LRRC53: variants seen among roughly 807,000 people sequenced by gnomAD.
LRRC53 encodes the protein leucine rich repeat containing 53.
Under a neutral mutation model 13.6 loss-of-function variants are expected in LRRC53, and 25 were observed. The ratio of observed to expected loss-of-function variants is 1.83; its 90% CI spans 1.34 to 2.56. The LOEUF is 2.56. Among genes scored for constraint, LRRC53 ranks in the 30% most tolerant of loss-of-function variants. The pLI, the probability that LRRC53 is intolerant of heterozygous loss-of-function variation, is 0.00. For missense variants in LRRC53, 527 were observed against 275.8 expected (o/e 1.91, Z -6.45); for synonymous variants, 204 against 109.8 (o/e 1.86, Z -5.37).
At chr1:74,489,098 C>A in intron 1 of LRRC53, 3 of 1,035,040 alleles carry the variant, frequency 2.9e-6, no homozygotes, top group South Asian at 3.1e-5. Context: ...TAATCTCATT[C>A]TTTACAAATG....
chr1:74,505,983 G>A (rs1238931139), intron 1 of LRRC53, among the ~76,000 whole-genome samples: 2 of 152,112 alleles, frequency 1.3e-5, no homozygotes, highest in African/African-American at 4.8e-5. Context: ...GTAAAAAAAT[G>A]AAATCACTTT....
chr1:74,507,599 G>A (rs1669972449), intron 1 of LRRC53, among the ~76,000 whole-genome samples: 1 of 152,046 alleles, frequency 6.6e-6, no homozygotes, highest in Non-Finnish European at 1.5e-5. Flanking sequence ...AAATCTTTCT[G>A]GCCCCAAAGT....
the LRRC53 span, among the ~76,000 whole-genome samples, chr1:74,520,560 T>C: frequency 6.6e-6 from 1 of 151,952 alleles, no homozygotes; most frequent in African/African-American, 2.4e-5. Context: ...GACCTTTTCC[T>C]TCCTCCCTTT....
chr1:74,494,449 C>T (rs1046125719), intron 1 of LRRC53, among the ~76,000 whole-genome samples: 52 of 152,294 alleles, frequency 3.4e-4, no homozygotes, highest in African/African-American at 1.2e-3. Context: ...ACCACACAAA[C>T]TGGACACCAT....
chr1:74,509,757 T>C (rs1485946882), intron 1 of LRRC53, among the ~76,000 whole-genome samples: 48 of 128,006 alleles, frequency 3.7e-4, no homozygotes, highest in African/African-American at 1.0e-3. Flanking sequence ...CTTTTTTTTT[T>C]TTTTTTTTTT....
At chr1:74,487,091 G>A (rs1668805530) in intron 1 of LRRC53, among the ~76,000 whole-genome samples, 1 of 152,208 alleles carries the variant, frequency 6.6e-6, no homozygotes, top group Non-Finnish European at 1.5e-5. Context: ...CAATGGAACA[G>A]TAGCTTGAAG....
chr1:74,512,162 G>A (rs1012844960), intron 1 of LRRC53, among the ~76,000 whole-genome samples: 9 of 152,144 alleles, frequency 5.9e-5, no homozygotes, highest in South Asian at 2.1e-4. Context: ...GGCATGACTC[G>A]AACCTGTGAG....
intron 4 of LRRC53, among the ~76,000 whole-genome samples, chr1:74,474,049 C>T (rs747073708): frequency 1.5e-4 from 23 of 152,074 alleles, no homozygotes; most frequent in Non-Finnish European, 3.1e-4. Flanking sequence ...TGGCATAGAG[C>T]AGAATTTCTG....
At chr1:74,533,639 A>C in the LRRC53 span, among the ~76,000 whole-genome samples, 13 of 152,032 alleles carry the variant, frequency 8.6e-5, no homozygotes, top group Non-Finnish European at 1.5e-4. Flanking sequence ...ACTATTCACA[A>C]TAGCAAAGAC....
In LRRC53 at chr1:74,480,890, A is replaced by G. The variant is rs1413865789; in HGVS notation, c.167T>C (p.Leu56Ser). 2 of 717,468 alleles carry G rather than the reference A, an allele frequency of 2.8e-6. No individual in the cohort carries two copies. The highest frequency in any genetic ancestry group is 5.2e-6 in the Non-Finnish European group (2 of 385,096). The allele number at this position is 717,468 out of a possible 1,614,324, so 44.4% of individuals were successfully genotyped here. A position where few individuals can be genotyped will look rare whatever the true frequency, so the allele number is the denominator to read the frequency against. ...SSIESTNLSL[L>S]FNLALLSLSR... ...TAGGGAGAGCAGGGCAAGATTAAACAAGAGAGACAGGTTTGTGCTCTCAAT... is the reference window on the plus strand; with the variant it reads ...TAGGGAGAGCAGGGCAAGATTAAACGAGAGAGACAGGTTTGTGCTCTCAAT... The change falls in exon 3 of 5, where the codon TTG becomes TCG. Residue 56 changes from leucine to serine, a missense_variant. Leu to Ser is a moderately radical substitution (Grantham distance 145). Transcript: ENST00000294635.
chr1:74,521,462 C>G, the LRRC53 span, among the ~76,000 whole-genome samples: 1 of 130,414 alleles, frequency 7.7e-6, no homozygotes, highest in Admixed American at 7.7e-5. Flanking sequence ...TAAATCCTTA[C>G]CTTATCTCTC....
the LRRC53 span, among the ~76,000 whole-genome samples, chr1:74,524,488 T>A: frequency 6.6e-6 from 1 of 152,186 alleles, no homozygotes; most frequent in Admixed American, 6.5e-5. Flanking sequence ...AACTTCTCCC[T>A]ATTAAAAAAT....
At chr1:74,517,188 C>T (rs1364680451), upstream of LRRC53, among the ~76,000 whole-genome samples, 2 of 151,910 alleles carry the variant, frequency 1.3e-5, no homozygotes, top group South Asian at 2.1e-4. Flanking sequence ...GTAGGGGTAA[C>T]TCTTTAAAAA....
intron 3 of LRRC53, 118 bp from the exon 4 acceptor site, chr1:74,475,928 G>A (rs1367709600): frequency 2.2e-6 from 1 of 464,580 alleles, no homozygotes; most frequent in African/African-American, 2.0e-5. Context: ...GAATGGGTAG[G>A]AAGTCCTTCA....
intron 1 of LRRC53, among the ~76,000 whole-genome samples, chr1:74,492,554 A>G (rs544066153): frequency 6.6e-6 from 1 of 152,332 alleles, no homozygotes; most frequent in Non-Finnish European, 1.5e-5. Flanking sequence ...AAGCTATTTT[A>G]TGGCATCCAA....
chr1:74,471,999 T>C lies in LRRC53; in HGVS notation c.1623A>G (p.Gln541=). The C allele has an allele frequency of 1.5e-6, 1 of 663,816 alleles. No individual in the cohort carries two copies. Among genetic ancestry groups the C allele is most frequent in the South Asian group, 1.7e-5 (1 of 57,808 alleles). 41.1% of individuals were successfully genotyped at this position (663,816 alleles called of 1,614,324 possible). A position where few individuals can be genotyped will look rare whatever the true frequency, so the allele number is the denominator to read the frequency against. Residue 541 remains glutamine (Q), a synonymous_variant, in exon 5 of 5, where the codon CAA becomes CAG. Transcript: ENST00000294635. ...TTGATCTATTTTTTTGTACGATCTT[T>C]TGTACATAGTGTTCCTCAGGCTCAC... is the stretch of plus-strand genomic sequence containing the variant. ...KPCEPEEHYV[Q]KIVQKNRSKY... is the part of the protein sequence containing the mutation.
chr1:74,528,195 C>G, the LRRC53 span, among the ~76,000 whole-genome samples: 2 of 152,056 alleles, frequency 1.3e-5, no homozygotes, highest in African/African-American at 4.8e-5. Flanking sequence ...GACATGGGCA[C>G]AGGAAAGTGC....
intron 1 of LRRC53, among the ~76,000 whole-genome samples, chr1:74,502,851 T>C (rs1017182543): frequency 5.3e-5 from 8 of 152,090 alleles, no homozygotes; most frequent in Non-Finnish European, 8.8e-5. Context: ...GTGGACTCCC[T>C]CTGTATCTTC....
the LRRC53 span, among the ~76,000 whole-genome samples, chr1:74,528,938 A>G: frequency 6.6e-6 from 1 of 152,210 alleles, no homozygotes; most frequent in Non-Finnish European, 1.5e-5. Flanking sequence ...ATCTTGCACC[A>G]GAAAGGAGAA....
Sources: allele counts gnomAD v4.1 joint callset (sites outside exome capture counted in the v4.1 genomes callset), GRCh38; gene constraint gnomAD v4.1.1; transcripts MANE v1.5; gene names NCBI Gene and HGNC (gene_info 2026-07-23, HGNC 2026-07-21).